Variants in CEP162 observed in about 807,000 individuals in gnomAD.
CEP162 encodes centrosomal protein of 162 kDa.
A neutral mutation model predicts 169.2 loss-of-function variants in CEP162; 141 were observed. That is an observed-to-expected ratio of 0.83 (90% CI 0.73 to 0.96). CEP162 has a LOEUF of 0.96. CEP162 is among the 40% of genes least tolerant of loss of function. The pLI is 0.00. For missense variants in CEP162, 1,600 were observed against 1,587.2 expected (o/e 1.01, Z -0.14); for synonymous variants, 540 against 526.4 (o/e 1.03, Z -0.35).
intron 25 of CEP162, among the ~76,000 whole-genome samples, chr6:84,135,055 T>C (rs1007426997): frequency 5.9e-5 from 9 of 152,180 alleles, no homozygotes; most frequent in Admixed American, 4.6e-4. Context: ...ATGAGAACCA[T>C]ATCCACAATA....
intron 9 of CEP162, among the ~76,000 whole-genome samples, chr6:84,195,308 T>C (rs1440582228): frequency 6.6e-6 from 1 of 152,220 alleles, no homozygotes; most frequent in Non-Finnish European, 1.5e-5. Flanking sequence ...CACTCGTCAT[T>C]GTTCTTTCTC....
At chr6:84,212,876 A>C in intron 6 of CEP162, 81 bp downstream of exon 6, 2 of 900,598 alleles carry the variant, frequency 2.2e-6, no homozygotes, top group Non-Finnish European at 3.4e-6. Flanking sequence ...TTTTCCTTTT[A>C]ATTATTTTTC....
chr6:84,169,484 CT>C, intron 17 of CEP162, 51 bp from the exon 18 acceptor site: 1 of 1,028,760 alleles, frequency 9.7e-7, no homozygotes, highest in Admixed American at 2.7e-5. Context: ...CCAGGTGCTC[CT>C]TTCAGTAGAA....
At chr6:84,193,812 C>A in intron 10 of CEP162, 122 bp from the exon 11 acceptor site, 1 of 512,016 alleles carries the variant, frequency 2.0e-6, no homozygotes, top group Non-Finnish European at 3.5e-6. Flanking sequence ...ATGCAATAAA[C>A]CTAGTTTTCC....
chr6:84,186,230 A>G (rs1390475953), intron 12 of CEP162, 102 bp downstream of exon 12: 1 of 655,440 alleles, frequency 1.5e-6, no homozygotes, highest in African/African-American at 1.8e-5. Flanking sequence ...GTATATAATC[A>G]ATCCCACTAG....
intron 18 of CEP162, 142 bp from the exon 19 acceptor site, chr6:84,163,412 C>A (rs1337764190): frequency 3.2e-6 from 2 of 628,946 alleles, no homozygotes; most frequent in South Asian, 4.2e-5. Context: ...TACCACCTGC[C>A]CCACCCCAGA....
At chr6:84,193,072 A>G (rs1320527097) in intron 11 of CEP162, among the ~76,000 whole-genome samples, 3 of 152,246 alleles carry the variant, frequency 2.0e-5, no homozygotes, top group Non-Finnish European at 4.4e-5. Context: ...TCAGTGCTAC[A>G]TAAAAGCAAC....
intron 25 of CEP162, among the ~76,000 whole-genome samples, chr6:84,130,149 T>C (rs1399391982): frequency 6.6e-6 from 1 of 152,154 alleles, no homozygotes; most frequent in Non-Finnish European, 1.5e-5. Flanking sequence ...TTTTATGTGA[T>C]GGATTATGTT....
At chr6:84,209,670 C>T (rs1458020225) in intron 6 of CEP162, among the ~76,000 whole-genome samples, 1 of 152,164 alleles carries the variant, frequency 6.6e-6, no homozygotes, top group African/African-American at 2.4e-5. Context: ...CCACCACACC[C>T]GGCCTATTAT....
intron 25 of CEP162, among the ~76,000 whole-genome samples, chr6:84,143,522 GA>G (rs1263960798): frequency 1.3e-5 from 2 of 151,768 alleles, no homozygotes; most frequent in Non-Finnish European, 2.9e-5. Context: ...TTCGTTAAGG[GA>G]AAAAATAATT....
chr6:84,210,630 A>C (rs2099549078), intron 6 of CEP162, among the ~76,000 whole-genome samples: 1 of 152,196 alleles, frequency 6.6e-6, no homozygotes, highest in Non-Finnish European at 1.5e-5. Context: ...GGAGGTGCCT[A>C]AGTGAAAACA....
At chr6:84,154,757 T>A (rs989477272) in intron 22 of CEP162, among the ~76,000 whole-genome samples, 2 of 152,170 alleles carry the variant, frequency 1.3e-5, no homozygotes, top group African/African-American at 2.4e-5. Context: ...TCTACAAAAT[T>A]TTTTTTAAAG....
intron 25 of CEP162, among the ~76,000 whole-genome samples, chr6:84,136,821 T>C (rs893781561): frequency 6.6e-6 from 1 of 152,230 alleles, no homozygotes; most frequent in South Asian, 2.1e-4. Context: ...GATAACTTTT[T>C]TCTTCTGCAT....
intron 12 of CEP162, among the ~76,000 whole-genome samples, chr6:84,185,981 C>T (rs780834549): frequency 3.3e-5 from 5 of 151,934 alleles, no homozygotes; most frequent in Non-Finnish European, 2.9e-5. Flanking sequence ...TCCTATAAAA[C>T]GCCAACTTAA....
rs1166165260 is a variant in CEP162, at chr6:84,146,729, A to G, written c.3828T>C (p.Ser1276=). The change falls in exon 25 of 27, where the codon TCT becomes TCC. Residue 1276 remains serine (S), a synonymous_variant. Coordinates refer to ENST00000403245, the MANE Select transcript of CEP162 (RefSeq NM_014895.4). The part of the protein sequence containing the change: ...QVNELQSKQE[S]LVVSEVREEI... ...CTTCTCGAACTTCAGAAACTACGAG[A>G]GACTCTTGTTTACTCTGCAGCTCAT... 1 of 1,583,960 alleles carries G rather than the reference A, an allele frequency of 6.3e-7. No individual in the cohort carries two copies. The highest frequency in any genetic ancestry group is 1.2e-5 in the South Asian group (1 of 85,942).
chr6:84,124,362 G>C lies in CEP162; in HGVS notation c.*708C>G, dbSNP rs2099508120. ...AAAGAAAACGTGAGATATATATAGAGAGAGATATATAAATGGAGTATTATG... is the reference window on the plus strand; with the variant it reads ...AAAGAAAACGTGAGATATATATAGACAGAGATATATAAATGGAGTATTATG... On this transcript the variant is annotated 3_prime_UTR_variant, in exon 27 of 27. Transcript: ENST00000403245. The C allele has an allele frequency of 6.6e-6, 1 of 152,030 alleles. No individual in the cohort carries two copies. Among genetic ancestry groups the C allele is most frequent in the Admixed American group, 6.6e-5 (1 of 15,238 alleles). The allele number at this position is 152,030 out of a possible 1,614,324, so 9.4% of individuals were successfully genotyped here.
At position 84,149,704 on chromosome 6, in the gene CEP162, C is replaced by T. The variant is rs761672078; in HGVS notation, c.3630-1G>A. ...GTGTGCTGCAGTATCTTCCTTGACC[C>T]TACAGAGCAAATGAAAGAAAACCAC... On this transcript the variant is annotated splice_acceptor_variant, in intron 23 of 26. Coordinates refer to ENST00000403245, the MANE Select transcript of CEP162 (RefSeq NM_014895.4). LOFTEE classifies it high-confidence loss of function. 1.3e-6 allele frequency: 2 copies of T among 1,497,884 alleles called. No individual in the cohort carries two copies. 92.8% of individuals were successfully genotyped at this position (1,497,884 alleles called of 1,614,324 possible). A position where few individuals can be genotyped will look rare whatever the true frequency, so the allele number is the denominator to read the frequency against.
chr6:84,124,547 T>C lies in CEP162; in HGVS notation c.*523A>G, dbSNP rs1010187895. On this transcript the variant is annotated 3_prime_UTR_variant, in exon 27 of 27. Transcript: ENST00000403245. ...CAATGGGTACACAGAGACATAAAGA[T>C]GGAGATAACAGACACTGGGGACTCC... The C allele has an allele frequency of 1.6e-4, 26 of 161,274 alleles. No individual in the cohort carries two copies. The highest frequency in any genetic ancestry group is 1.7e-4 in the African/African-American group (7 of 41,464). The allele number at this position is 161,274 out of a possible 1,614,324, so 10.0% of individuals were successfully genotyped here. A position where few individuals can be genotyped will look rare whatever the true frequency, so the allele number is the denominator to read the frequency against.
intron 5 of CEP162, among the ~76,000 whole-genome samples, chr6:84,213,450 C>T (rs1248519394): frequency 6.6e-6 from 1 of 152,128 alleles, no homozygotes; most frequent in East Asian, 1.9e-4. Flanking sequence ...GCAATTTAAT[C>T]CTGAAACAGA....
Sources: allele counts gnomAD v4.1 joint callset (sites outside exome capture counted in the v4.1 genomes callset), GRCh38; gene constraint gnomAD v4.1.1; transcripts MANE v1.5; gene names NCBI Gene and HGNC (gene_info 2026-07-23, HGNC 2026-07-21).